The following CFAP299 variants were observed in gnomAD, a reference collection of about 807,000 sequenced individuals.
The protein encoded by CFAP299 is cilia and flagella associated protein 299, also known as cilia- and flagella-associated protein 299.
In CFAP299, 21 loss-of-function variants were observed where a neutral mutation model predicts 27.0. The observed-to-expected ratio is 0.78, with a 90% confidence interval of 0.55 to 1.12. CFAP299 has a LOEUF of 1.12. Ranked by LOEUF, CFAP299 falls within the 50% of genes most tolerant of loss-of-function variation. CFAP299 has a pLI of 0.00. For missense variants in CFAP299, 310 were observed against 276.6 expected (o/e 1.12, Z -0.86); for synonymous variants, 104 against 98.1 (o/e 1.06, Z -0.36).
intron 3 of CFAP299, among the ~76,000 whole-genome samples, chr4:80,614,737 A>G (rs1738186509): frequency 6.6e-6 from 1 of 151,872 alleles, no homozygotes. Context: ...TGTGGTTACA[A>G]GTCTTGAATT....
chr4:80,731,771 A>G (rs1315074000), intron 3 of CFAP299, among the ~76,000 whole-genome samples: 4 of 152,160 alleles, frequency 2.6e-5, no homozygotes, highest in South Asian at 4.1e-4. Flanking sequence ...TTTATCAGCT[A>G]TTCATGGTTT....
At chr4:80,767,540 C>T (rs1725950353) in intron 3 of CFAP299, among the ~76,000 whole-genome samples, 1 of 152,046 alleles carries the variant, frequency 6.6e-6, no homozygotes, top group African/African-American at 2.4e-5. Flanking sequence ...ACCCAGGAGG[C>T]GGAGCTTGCA....
In CFAP299 at chr4:80,879,264, A is replaced by AGTT. The variant is rs1733570803; in HGVS notation, c.476+9130_476+9131insTTG. The stretch of plus-strand genomic sequence containing the variant: ...GTGGTCCAACATTAGCAACTTCAGT[A>AGTT]GCCCTATAAGTCTAGTGATAATTGG... On this transcript the variant is annotated intron_variant, in intron 4 of 5. Coordinates refer to ENST00000358105, the MANE Select transcript of CFAP299 (RefSeq NM_152770.3). 7.9e-5 allele frequency among the ~76,000 whole-genome samples: 12 copies of AGTT among 152,284 alleles called. No homozygotes were observed. The South Asian group carries it at 2.5e-3, about 32-fold the overall frequency.
intron 1 of CFAP299, among the ~76,000 whole-genome samples, chr4:80,347,025 C>A (rs1722765426): frequency 6.6e-6 from 1 of 151,976 alleles, no homozygotes; most frequent in Non-Finnish European, 1.5e-5. Context: ...ATTTTATTCT[C>A]TTTGTAGCCA....
chr4:80,515,593 G>A (rs995450099), intron 2 of CFAP299, among the ~76,000 whole-genome samples: 1 of 152,114 alleles, frequency 6.6e-6, no homozygotes, highest in African/African-American at 2.4e-5. Context: ...TTTATCTCCA[G>A]TGAACTTTCC....
chr4:80,571,510 G>A (rs1450847276), intron 2 of CFAP299, among the ~76,000 whole-genome samples: 1 of 152,126 alleles, frequency 6.6e-6, no homozygotes, highest in Non-Finnish European at 1.5e-5. Flanking sequence ...AAGCAAGAAA[G>A]TGTATGTAGA....
chr4:80,573,263 A>AT (rs1285586371), intron 2 of CFAP299, among the ~76,000 whole-genome samples: 3 of 152,026 alleles, frequency 2.0e-5, no homozygotes, highest in Non-Finnish European at 4.4e-5. Flanking sequence ...TGTCATTTGT[A>AT]TATCTTCTTT....
At chr4:80,813,163 T>C (rs777821418) in intron 3 of CFAP299, among the ~76,000 whole-genome samples, 4 of 152,046 alleles carry the variant, frequency 2.6e-5, no homozygotes, top group Non-Finnish European at 5.9e-5. Context: ...GCACAAATGT[T>C]GATATGCACG....
At chr4:80,588,861 T>A (rs972420875) in intron 3 of CFAP299, among the ~76,000 whole-genome samples, 31 of 152,196 alleles carry the variant, frequency 2.0e-4, no homozygotes, top group Admixed American at 2.6e-4. Context: ...ATTTACTACA[T>A]ATATGAAATA....
intron 2 of CFAP299, among the ~76,000 whole-genome samples, chr4:80,557,535 G>A (rs1290808980): frequency 6.6e-6 from 1 of 152,052 alleles, no homozygotes; most frequent in African/African-American, 2.4e-5. Context: ...AGGAGTTACT[G>A]CCATCAGTAC....
intron 4 of CFAP299, among the ~76,000 whole-genome samples, chr4:80,926,456 T>C (rs962674507): frequency 6.6e-6 from 1 of 152,036 alleles, no homozygotes; most frequent in Non-Finnish European, 1.5e-5. Context: ...GCTATTGTAT[T>C]AATTCAGGCA....
chr4:80,648,234 A>G (rs1740121602), intron 3 of CFAP299, among the ~76,000 whole-genome samples: 1 of 152,122 alleles, frequency 6.6e-6, no homozygotes, highest in Admixed American at 6.6e-5. Flanking sequence ...GGTTCCTGCT[A>G]TGCTTTCCAG....
At chr4:80,486,468 T>C (rs1273521111) in intron 2 of CFAP299, among the ~76,000 whole-genome samples, 1 of 152,164 alleles carries the variant, frequency 6.6e-6, no homozygotes, top group Non-Finnish European at 1.5e-5. Flanking sequence ...TAATATTGAG[T>C]TTTAGGACTT....
At chr4:80,530,588 TAA>T (rs1017754962) in intron 2 of CFAP299, among the ~76,000 whole-genome samples, 6 of 152,126 alleles carry the variant, frequency 3.9e-5, no homozygotes, top group Admixed American at 6.5e-5. Context: ...ACTAACAAAA[TAA>T]AGTCTTTGCT....
intron 2 of CFAP299, among the ~76,000 whole-genome samples, chr4:80,520,738 A>G (rs1019428297): frequency 6.6e-6 from 1 of 152,252 alleles, no homozygotes; most frequent in Non-Finnish European, 1.5e-5. Context: ...AGAATCGAAG[A>G]CGAGTTTTAA....
Position 80,725,884 on chromosome 4 carries a change from G to A in CFAP299, c.333+142701G>A, listed in dbSNP as rs375649890. On this transcript the variant is annotated intron_variant, in intron 3 of 5. Transcript: ENST00000358105. Reference sequence around the variant, plus strand: ...CACTTTCCTGTGTGCCAAAGCTGAGGAGGGAATGAAAGCCAGTTCTAACTG... The same window carrying A: ...CACTTTCCTGTGTGCCAAAGCTGAGAAGGGAATGAAAGCCAGTTCTAACTG... 9.2e-5 allele frequency among the ~76,000 whole-genome samples: 14 copies of A among 152,294 alleles called. No homozygotes were observed. In the East Asian group the frequency reaches 1.7e-3, roughly 19 times the overall value.
Position 80,495,737 on chromosome 4 carries a change from T to C in CFAP299, c.243-87356T>C, listed in dbSNP as rs78794666. Reference sequence around the variant, plus strand: ...CAATTTATACAGAGAAGAGGCTTAATTGGCTTATGGTTCTGCTGGCTGTAC... The same window carrying C: ...CAATTTATACAGAGAAGAGGCTTAACTGGCTTATGGTTCTGCTGGCTGTAC... On this transcript the variant is annotated intron_variant, in intron 2 of 5. Transcript: ENST00000358105. 3.5e-3 allele frequency among the ~76,000 whole-genome samples: 531 copies of C among 152,348 alleles called. 5 individuals are homozygous for C. Among genetic ancestry groups the C allele is most frequent in the Non-Finnish European group, 5.6e-3 (383 of 68,026 alleles).
chr4:80,911,964 T>C (rs1298535362), intron 4 of CFAP299, among the ~76,000 whole-genome samples: 1 of 151,888 alleles, frequency 6.6e-6, no homozygotes, highest in Non-Finnish European at 1.5e-5. Flanking sequence ...AAAAAATATA[T>C]GTACTGTATT....
rs1255618590 is a variant in CFAP299 at position 80,776,727 on chromosome 4, A to C, written c.334-93266A>C. ...TGTAACAAACCTGCATGTTCTGCAC[A>C]TGTATCCCGGAACTTAAAGTAAAAT... On this transcript the variant is annotated intron_variant, in intron 3 of 5. Transcript: ENST00000358105. Among the ~76,000 whole-genome samples the C allele has an allele frequency of 4.6e-5, 7 of 152,250 alleles. No homozygotes were observed. The East Asian group carries it at 9.7e-4, about 21-fold the overall frequency.
Sources: gnomAD v4.1 joint callset for allele counts (sites outside exome capture counted in the v4.1 genomes callset) on GRCh38, gnomAD v4.1.1 for gene constraint, MANE v1.5 for transcripts, NCBI Gene and HGNC (gene_info 2026-07-23, HGNC 2026-07-21) for gene names.